The following ADARB2 variants were observed in gnomAD, a reference collection of about 807,000 sequenced individuals.
ADARB2 encodes the protein adenosine deaminase RNA specific B2 (inactive).
ADARB2 carries 25 observed loss-of-function variants against 62.2 expected under a neutral mutation model. The ratio of observed to expected loss-of-function variants is 0.40; its 90% confidence interval spans 0.29 to 0.56. The LOEUF (loss-of-function observed/expected upper bound fraction) is 0.56, where lower values mean the gene tolerates loss of function less well. ADARB2 is among the 20% of genes least tolerant of loss of function. The pLI is 0.43. For missense variants in ADARB2, 1,071 were observed against 1,077.4 expected, an observed-to-expected ratio of 0.99 and a Z score of 0.08; for synonymous variants, 572 against 500.8, an observed-to-expected ratio of 1.14 and a Z score of -1.90.
At chr10:1,616,511 G>T (rs917017961) in intron 1 of ADARB2, among the ~76,000 whole-genome samples, 1 of 142,646 alleles carries the variant, frequency 7.0e-6, no homozygotes, top group Non-Finnish European at 1.5e-5. Context: ...CTGGGAACTG[G>T]CCTCAGAGGG....
intron 1 of ADARB2, among the ~76,000 whole-genome samples, chr10:1,487,111 G>A (rs527563331): frequency 1.3e-5 from 2 of 152,360 alleles, no homozygotes; most frequent in African/African-American, 4.8e-5. Context: ...GAGCCCGGAT[G>A]CTGGGGAGGC....
intron 1 of ADARB2, among the ~76,000 whole-genome samples, chr10:1,608,774 G>GAAAGAAAGAAAGAAAGAA (rs112275204): frequency 1.4e-5 from 2 of 139,418 alleles, no homozygotes; most frequent in Non-Finnish European, 3.0e-5. Context: ...GAAAGAGAAA[G>GAAAGAAAGAAAGAAAGAA]AGAAAGAAAG....
chr10:1,532,579 T>C (rs61831925), intron 1 of ADARB2, among the ~76,000 whole-genome samples: 25,878 of 151,962 alleles, frequency 0.17, 2,754 homozygotes, highest in Non-Finnish European at 0.23. Context: ...CTCTCAGGGG[T>C]CAGGCATTGG....
intron 1 of ADARB2, among the ~76,000 whole-genome samples, chr10:1,447,354 A>C (rs766327729): frequency 2.0e-5 from 3 of 152,166 alleles, no homozygotes; most frequent in Non-Finnish European, 2.9e-5. Flanking sequence ...TCCAAAAGAT[A>C]TTGTAAGGAT....
At position 1,327,691 on chromosome 10, in the gene ADARB2, G is replaced by A. The variant is rs370189762; in HGVS notation, c.1077+35337C>T. Among the ~76,000 whole-genome samples, 21 of 50,334 alleles carry A rather than the reference G, an allele frequency of 4.2e-4. 4 individuals are homozygous for A. The highest frequency in any genetic ancestry group is 1.3e-3 in the African/African-American group (18 of 13,484). 33.0% of individuals were successfully genotyped at this position (50,334 alleles called of 152,430 possible). A position where few individuals can be genotyped will look rare whatever the true frequency, so the allele number is the denominator to read the frequency against. The stretch of plus-strand genomic sequence containing the variant: ...GCACAGCGCCTCCTCACTGCACAGC[G>A]CCTCGTCACAGTTTAGTGCCTACCC... On this transcript the variant is annotated intron_variant, in intron 3 of 9. Transcript: ENST00000381312.
At chr10:1,683,178 C>T (rs1266674463) in intron 1 of ADARB2, among the ~76,000 whole-genome samples, 4 of 152,090 alleles carry the variant, frequency 2.6e-5, no homozygotes, top group Admixed American at 6.6e-5. Context: ...AAACAAATAG[C>T]GCTAGCATTC....
intron 3 of ADARB2, among the ~76,000 whole-genome samples, chr10:1,289,795 C>T (rs756138733): frequency 1.3e-5 from 2 of 152,258 alleles, no homozygotes; most frequent in South Asian, 2.1e-4. Context: ...GTGGGTGTGC[C>T]ACAGCCAGCA....
chr10:1,481,823 C>G (rs943978290), intron 1 of ADARB2, among the ~76,000 whole-genome samples: 7 of 147,820 alleles, frequency 4.7e-5, no homozygotes, highest in Non-Finnish European at 8.9e-5. Flanking sequence ...TGCCACTGCA[C>G]TCCAGCCTGG....
At chr10:1,557,567 C>T (rs931314002) in intron 1 of ADARB2, among the ~76,000 whole-genome samples, 2 of 152,154 alleles carry the variant, frequency 1.3e-5, no homozygotes, top group Admixed American at 1.3e-4. Flanking sequence ...AGTTCTTCAC[C>T]TTCCTAATTC....
intron 1 of ADARB2, chr10:1,394,935 T>C: frequency 2.2e-6 from 1 of 456,106 alleles, no homozygotes; most frequent in Non-Finnish European, 4.4e-6. Flanking sequence ...TCTCTTTCTT[T>C]CTTTCGACAA....
intron 1 of ADARB2, among the ~76,000 whole-genome samples, chr10:1,638,505 G>GT (rs1833940536): frequency 8.4e-6 from 1 of 118,758 alleles, no homozygotes; most frequent in Non-Finnish European, 2.1e-5. Context: ...ACTTTCATGA[G>GT]GTTTTTTTTT....
intron 1 of ADARB2, among the ~76,000 whole-genome samples, chr10:1,585,194 G>C (rs1487120659): frequency 1.3e-5 from 2 of 152,042 alleles, no homozygotes; most frequent in Non-Finnish European, 2.9e-5. Flanking sequence ...GGACAGTGGG[G>C]GAGGCTGCGA....
chr10:1,199,300 C>A (rs566879644), intron 8 of ADARB2: 1 of 152,154 alleles, frequency 6.6e-6, no homozygotes, highest in Non-Finnish European at 1.5e-5. Context: ...AAGACCACTC[C>A]CGGGGCTTTC....
At position 1,680,097 on chromosome 10, in the gene ADARB2, C is replaced by T. The variant is rs543376273; in HGVS notation, c.100+56954G>A. 1.1e-4 allele frequency among the ~76,000 whole-genome samples: 16 copies of T among 152,112 alleles called. No homozygotes were observed. The East Asian group carries it at 2.3e-3, about 22-fold the overall frequency. On this transcript the variant is annotated intron_variant, in intron 1 of 9. Coordinates refer to ENST00000381312, the MANE Select transcript of ADARB2 (RefSeq NM_018702.4). ...CACCCATTCCCCTACATATTCTTTC[C>T]TGTGTAACCCGCCACTCATACAAAC...
At chr10:1,189,510 T>C (rs1262641066) in intron 8 of ADARB2, among the ~76,000 whole-genome samples, 1 of 152,100 alleles carries the variant, frequency 6.6e-6, no homozygotes, top group South Asian at 2.1e-4. Flanking sequence ...GCCTGGCTTG[T>C]GTTTAATTTT....
intron 7 of ADARB2, among the ~76,000 whole-genome samples, chr10:1,215,280 T>C (rs1007876049): frequency 3.9e-5 from 6 of 152,250 alleles, no homozygotes; most frequent in Non-Finnish European, 8.8e-5. Context: ...CTGTCTGTGC[T>C]AGAACCCCTG....
chr10:1,420,829 G>A (rs1832846181), intron 1 of ADARB2, among the ~76,000 whole-genome samples: 1 of 152,138 alleles, frequency 6.6e-6, no homozygotes, highest in Non-Finnish European at 1.5e-5. Flanking sequence ...CGTCCTGAAA[G>A]AAGCAGTGCT....
chr10:1,611,134 C>T, intron 1 of ADARB2, among the ~76,000 whole-genome samples: 1 of 152,224 alleles, frequency 6.6e-6, no homozygotes, highest in East Asian at 1.9e-4. Context: ...AGGAAACCTT[C>T]CCCGTGGACC....
At chr10:1,286,471 C>G (rs916651302) in intron 3 of ADARB2, among the ~76,000 whole-genome samples, 7 of 152,290 alleles carry the variant, frequency 4.6e-5, no homozygotes, top group African/African-American at 1.7e-4. Flanking sequence ...TTCAAATTAT[C>G]TGACTATTTA....
Sources: gnomAD v4.1 joint callset for allele counts (sites outside exome capture counted in the v4.1 genomes callset) on GRCh38, gnomAD v4.1.1 for gene constraint, MANE v1.5 for transcripts, NCBI Gene and HGNC (gene_info 2026-07-23, HGNC 2026-07-21) for gene names.